The following SLFN5 variants were observed in gnomAD, a reference collection of about 807,000 sequenced individuals.
SLFN5 encodes schlafen family member 5.
In SLFN5, 34 loss-of-function variants were observed where a neutral mutation model predicts 48.5. The ratio of observed to expected loss-of-function variants is 0.70; its 90% CI spans 0.53 to 0.93. The LOEUF is 0.93. Among genes scored for constraint, SLFN5 ranks in the 40% least tolerant of loss-of-function variants. SLFN5 has a pLI of 0.00. For synonymous variants in SLFN5, 387 were observed against 396.2 expected, an observed-to-expected ratio of 0.98 and a Z score of 0.28; for missense variants, 1,006 against 1,071.3, an observed-to-expected ratio of 0.94 and a Z score of 0.85.
At chr17:35,263,249 G>T (rs1904573014) in intron 3 of SLFN5, among the ~76,000 whole-genome samples, 1 of 152,026 alleles carries the variant, frequency 6.6e-6, no homozygotes, top group Non-Finnish European at 1.5e-5. Flanking sequence ...TCGTGCCTCA[G>T]CCCCCCGAGT....
In SLFN5 at chr17:35,265,522, G is replaced by C. The variant is rs1324032770; in HGVS notation, c.2310G>C (p.Leu770=). 1 of 1,614,080 alleles carries C rather than the reference G, an allele frequency of 6.2e-7. No homozygotes were observed. Among genetic ancestry groups the C allele is most frequent in the African/African-American group, 1.3e-5 (1 of 74,922 alleles). The change falls in exon 5 of 5, where the codon CTG becomes CTC. Residue 770 remains leucine (L), a synonymous_variant. Transcript: ENST00000299977. ...IIEDLNLEEI[L]IYVANKCRFL... ...AAGACTTGAACTTGGAGGAGATACT[G>C]ATCTATGTAGCGAATAAATGCCGTT...
chr17:35,265,857 G>T lies in SLFN5; in HGVS notation c.2645G>T (p.Arg882Ile). The change falls in exon 5 of 5, where the codon AGA becomes ATA. Residue 882 changes from arginine (R) to isoleucine (I), a missense_variant. Coordinates refer to ENST00000299977, the MANE Select transcript of SLFN5 (RefSeq NM_144975.4). Reference sequence around the variant, plus strand: ...CTCTGTTTGGCTTCTAGGGCAAAAAGACATCTGTATATTCTGAAGGCTTCT... The same window carrying T: ...CTCTGTTTGGCTTCTAGGGCAAAAATACATCTGTATATTCTGAAGGCTTCT... ...LLLCLASRAK[R>I]HLYILKASV The T allele has an allele frequency of 6.2e-7, 1 of 1,611,862 alleles. No homozygotes were observed. The highest frequency in any genetic ancestry group is 8.5e-7 in the Non-Finnish European group (1 of 1,179,084).
rs185910438 is a variant in SLFN5, at chr17:35,265,427, C to A, written c.2215C>A (p.Pro739Thr). 7.3e-5 allele frequency: 118 copies of A among 1,614,212 alleles called. No individual in the cohort carries two copies. The highest frequency in any genetic ancestry group is 4.2e-4 in the East Asian group (19 of 44,884). ...ARQNPPPNLP[P>T]GSLVMLYEPK... ...ACAAAATCCTCCACCTAACCTCCCC[C>A]CTGGGTCCCTGGTGATGCTCTATGA... The change falls in exon 5 of 5, where the codon CCT (proline) becomes ACT (threonine). Residue 739 changes from proline (P) to threonine (T), a missense_variant. Transcript: ENST00000299977.
rs58644233 is a variant in SLFN5 at position 35,266,142 on chromosome 17, ATGTGTGTGTGTGTGTG to A, written c.*275_*290del. The A allele has an allele frequency of 1.2e-5, 3 of 240,430 alleles. No homozygotes were observed. Among genetic ancestry groups the A allele is most frequent in the East Asian group, 8.9e-5 (1 of 11,272 alleles). The allele number at this position is 240,430 out of a possible 1,614,324, so 14.9% of individuals were successfully genotyped here. A position where few individuals can be genotyped will look rare whatever the true frequency, so the allele number is the denominator to read the frequency against. The stretch of plus-strand genomic sequence containing the variant: ...AATTAGAGGACCGTGAGACTCAGAG[ATGTGTGTGTGTGTGTG>A]TGTGTGTGTGTGTGTGTGTGCGCGC... On this transcript the variant is annotated 3_prime_UTR_variant, in exon 5 of 5. Coordinates refer to ENST00000299977, the MANE Select transcript of SLFN5 (RefSeq NM_144975.4).
chr17:35,262,746 C>A (rs756428132), intron 3 of SLFN5, among the ~76,000 whole-genome samples: 3 of 152,068 alleles, frequency 2.0e-5, no homozygotes, highest in Non-Finnish European at 4.4e-5. Flanking sequence ...CACTTGTAGT[C>A]CCAGCTACCT....
At position 35,247,484 on chromosome 17, in the gene SLFN5, A is replaced by T. The variant is rs143520181; in HGVS notation, c.-41+4341A>T. Among the ~76,000 whole-genome samples, 796 of 152,300 alleles carry T rather than the reference A, an allele frequency of 5.2e-3. 7 individuals are homozygous for T. The highest frequency in any genetic ancestry group is 9.0e-3 in the Non-Finnish European group (613 of 68,022). On this transcript the variant is annotated intron_variant, in intron 1 of 4. Transcript: ENST00000299977. ...GTGTGGACTCCCATTTTCAAACAGG[A>T]TGGCTGCTACAGAGGCACCTTGCAC...
intron 1 of SLFN5, among the ~76,000 whole-genome samples, chr17:35,250,091 G>A (rs2092438953): frequency 6.6e-6 from 1 of 152,154 alleles, no homozygotes; most frequent in South Asian, 2.1e-4. Flanking sequence ...GAAACCAAGT[G>A]GATGAAGATA....
rs914923080 is a variant in SLFN5, at chr17:35,272,466, T to TA, written c.*6585dup. The TA allele has an allele frequency of 6.6e-6, 1 of 151,954 alleles. No individual in the cohort carries two copies. Among genetic ancestry groups the TA allele is most frequent in the South Asian group, 2.1e-4 (1 of 4,814 alleles). 9.4% of individuals were successfully genotyped at this position (151,954 alleles called of 1,614,324 possible). On this transcript the variant is annotated 3_prime_UTR_variant, in exon 5 of 5. Transcript: ENST00000299977. Reference sequence around the variant, plus strand: ...AAGTGCATGAAGAAGAAGTAGCACTTAAAAAAATAATAATCTCAGCATGGG... The same window carrying TA: ...AAGTGCATGAAGAAGAAGTAGCACTTAAAAAAAATAATAATCTCAGCATGGG...
Position 35,264,568 on chromosome 17 carries a change from T to G in SLFN5, c.1524T>G (p.Ser508Arg), listed in dbSNP as rs754126375. Residue 508 changes from serine (S) to arginine (R), a missense_variant, in exon 4 of 5, where the codon AGT becomes AGG. By Grantham distance (110) the Ser-to-Arg change is moderately radical. Transcript: ENST00000299977. The part of the protein sequence containing the change: ...NSDRKAQSVY[S>R]SYLQIYPESY... ...ATAGAAAAGCACAGAGCGTTTACAG[T>G]TCGTATTTACAAATTTACCCTGAAT... The G allele has an allele frequency of 2.8e-5, 46 of 1,614,040 alleles. No individual in the cohort carries two copies. In the South Asian group the frequency reaches 5.1e-4, roughly 18 times the overall value.
chr17:35,251,408 TG>T (rs1254227375), intron 1 of SLFN5, among the ~76,000 whole-genome samples: 3 of 152,194 alleles, frequency 2.0e-5, no homozygotes, highest in Admixed American at 2.0e-4. Context: ...TTTTTTTGTT[TG>T]TTTTTTTGTT....
At chr17:35,248,160 T>C (rs1030000395) in intron 1 of SLFN5, among the ~76,000 whole-genome samples, 2 of 152,176 alleles carry the variant, frequency 1.3e-5, no homozygotes, top group East Asian at 3.9e-4. Flanking sequence ...CCTACCTTCC[T>C]ACCTTCCTAA....
rs187887877 is a variant in SLFN5, at chr17:35,256,861, C to T, written c.-40-1790C>T. On this transcript the variant is annotated intron_variant, in intron 1 of 4. Transcript: ENST00000299977. ...GGTCCCCCTGGCCCTGGACCAGTACCTGACTGTGGCCTGTTAGGAACCAGG... is the reference window on the plus strand; with the variant it reads ...GGTCCCCCTGGCCCTGGACCAGTACTTGACTGTGGCCTGTTAGGAACCAGG... Among the ~76,000 whole-genome samples, 4 of 152,276 alleles carry T rather than the reference C, an allele frequency of 2.6e-5. No individual in the cohort carries two copies. The East Asian group carries it at 7.7e-4, about 29-fold the overall frequency.
At chr17:35,252,166 A>G (rs961884642) in intron 1 of SLFN5, among the ~76,000 whole-genome samples, 1 of 152,178 alleles carries the variant, frequency 6.6e-6, no homozygotes, top group African/African-American at 2.4e-5. Context: ...ATGGTGGCTC[A>G]TACCTGTAAT....
Position 35,244,885 on chromosome 17 carries a change from A to T in SLFN5, c.-41+1742A>T, listed in dbSNP as rs190395297. ...TGAACCACCCCCTCCCCCCACCATA[A>T]AAAAAGTCACAAGAATTAAACTCTT... On this transcript the variant is annotated intron_variant, in intron 1 of 4. Coordinates refer to ENST00000299977, the MANE Select transcript of SLFN5 (RefSeq NM_144975.4). Among the ~76,000 whole-genome samples the T allele has an allele frequency of 2.7e-3, 416 of 152,154 alleles. 4 individuals are homozygous for T. Among genetic ancestry groups the T allele is most frequent in the African/African-American group, 9.6e-3 (398 of 41,460 alleles).
chr17:35,259,150 G>A lies in SLFN5; in HGVS notation c.460G>A (p.Gly154Ser), dbSNP rs1381428102. The change falls in exon 2 of 5, where the codon GGT (glycine) becomes AGT (serine). Residue 154 changes from glycine to serine, a missense_variant. Physicochemically the swap from Gly to Ser is moderately conservative, Grantham distance 56. Coordinates refer to ENST00000299977, the MANE Select transcript of SLFN5 (RefSeq NM_144975.4). ...GAATATTAATGTTTCCAATTCATTA[G>A]GTCCACAGGCAGCTCAGGGTAGTGT... is the stretch of plus-strand genomic sequence containing the variant. ...PTNINVSNSLGPQAAQGSVQY... is the reference protein window; with the variant it reads ...PTNINVSNSLSPQAAQGSVQY... 1 of 1,614,108 alleles carries A rather than the reference G, an allele frequency of 6.2e-7. No homozygotes were observed. The highest frequency in any genetic ancestry group is 8.5e-7 in the Non-Finnish European group (1 of 1,180,046).
intron 1 of SLFN5, among the ~76,000 whole-genome samples, chr17:35,250,116 C>T (rs2092439003): frequency 6.6e-6 from 1 of 152,220 alleles, no homozygotes; most frequent in Non-Finnish European, 1.5e-5. Context: ...TTTAAGACTT[C>T]AGAACCATCA....
intron 1 of SLFN5, among the ~76,000 whole-genome samples, chr17:35,251,395 G>T (rs938234979): frequency 2.0e-5 from 3 of 151,778 alleles, no homozygotes; most frequent in South Asian, 2.1e-4. Context: ...CTAATTTGGG[G>T]TTTTTTTTTG....
Position 35,264,393 on chromosome 17 carries a change from C to G in SLFN5, c.1349C>G (p.Pro450Arg). 6.2e-7 allele frequency: 1 copy of G among 1,614,166 alleles called. No homozygotes were observed. The highest frequency in any genetic ancestry group is 8.5e-7 in the Non-Finnish European group (1 of 1,180,030). ...CTTCTAATTTCCCAGAACAACACCC[C>G]TATTCTCTACACCATCTTCAGCAAG... ...DALLISQNNT[P>R]ILYTIFSKWD... Residue 450 changes from proline (P) to arginine (R), a missense_variant, in exon 4 of 5, where the codon CCT becomes CGT. By Grantham distance (103) the Pro-to-Arg change is moderately radical (BLOSUM62 -2). Coordinates refer to ENST00000299977, the MANE Select transcript of SLFN5 (RefSeq NM_144975.4).
In SLFN5 at chr17:35,273,053, GTAAATATAT is replaced by G. The variant is rs1343496938; in HGVS notation, c.*7166_*7174del. ...CCTAAGAGCAGAAGACTGCAAAATA[GTAAATATAT>G]ACCCAAAAGGGTCTAATGGATTAGT... On this transcript the variant is annotated 3_prime_UTR_variant, in exon 5 of 5. Coordinates refer to ENST00000299977, the MANE Select transcript of SLFN5 (RefSeq NM_144975.4). The G allele has an allele frequency of 6.6e-6, 1 of 152,108 alleles. No homozygotes were observed. Among genetic ancestry groups the G allele is most frequent in the African/African-American group, 2.4e-5 (1 of 41,450 alleles). The allele number at this position is 152,108 out of a possible 1,614,324, so 9.4% of individuals were successfully genotyped here.
Sources: gnomAD v4.1 joint callset for allele counts (sites outside exome capture counted in the v4.1 genomes callset) on GRCh38, gnomAD v4.1.1 for gene constraint, MANE v1.5 for transcripts, NCBI Gene and HGNC (gene_info 2026-07-23, HGNC 2026-07-21) for gene names.